Variants in TYK2 observed in about 807,000 individuals in gnomAD.
The protein encoded by TYK2 is non-receptor tyrosine-protein kinase TYK2.
A neutral mutation model predicts 130.9 loss-of-function variants in TYK2; 65 were observed. The observed-to-expected ratio is 0.50, with a 90% CI of 0.41 to 0.61. TYK2 has a LOEUF of 0.61. TYK2 is among the 20% of genes least tolerant of loss of function. The pLI is 0.00. For synonymous variants in TYK2, 647 were observed against 658.9 expected, an observed-to-expected ratio of 0.98 and a Z score of 0.28; for missense variants, 1,378 against 1,610.7, an observed-to-expected ratio of 0.86 and a Z score of 2.47.
chr19:10,354,081 C>T lies in TYK2; in HGVS notation c.2869G>A (p.Glu957Lys), dbSNP rs752000972. 1 of 1,614,074 alleles carries T rather than the reference C, an allele frequency of 6.2e-7. No homozygotes were observed. Among genetic ancestry groups the T allele is most frequent in the East Asian group, 2.2e-5 (1 of 44,886 alleles). Residue 957 changes from glutamate (E) to lysine (K), a missense_variant, in exon 20 of 25, where the codon GAG (glutamate) becomes AAG (lysine). Physicochemically the swap from Glu to Lys is moderately conservative, Grantham distance 56 (BLOSUM62 1). Coordinates refer to ENST00000525621, the MANE Select transcript of TYK2 (RefSeq NM_003331.5). ...CAGCCCTTGTACTTGATGATGTGCT[C>T]GTGGTAGAGCGTGCGCAGAATGTCA... Reference protein sequence around the residue: ...EIDILRTLYHEHIIKYKGCCE... With the variant: ...EIDILRTLYHKHIIKYKGCCE...
intron 22 of TYK2, 114 bp downstream of exon 22, chr19:10,352,812 C>A: frequency 1.5e-6 from 2 of 1,374,088 alleles, no homozygotes; most frequent in Non-Finnish European, 2.0e-6. Flanking sequence ...ACCGCTAGGC[C>A]CCGCCGCGCT....
At chr19:10,365,938 G>T (rs1350812086) in intron 6 of TYK2, 40 bp from the exon 7 acceptor site, 1 of 1,561,042 alleles carries the variant, frequency 6.4e-7, no homozygotes, top group Non-Finnish European at 8.7e-7. Context: ...AGGGACCTGG[G>T]TTGCAGGCCC....
At chr19:10,354,385 G>C (rs543894310) in intron 19 of TYK2, 127 bp downstream of exon 19, 1 of 1,324,004 alleles carries the variant, frequency 7.6e-7, no homozygotes, top group Non-Finnish European at 1.1e-6. Flanking sequence ...TTGGCACCTA[G>C]GCCTCCCTCA....
Position 10,353,183 on chromosome 19 carries a change from G to C in TYK2, c.3028-85C>G. The C allele has an allele frequency of 7.9e-7, 1 of 1,271,682 alleles. No homozygotes were observed. 78.8% of individuals were successfully genotyped at this position (1,271,682 alleles called of 1,614,324 possible). On this transcript the variant is annotated intron_variant, in intron 21 of 24. Transcript: ENST00000525621. The surrounding 1 kb of genome is among the most constrained non-coding windows in gnomAD (Gnocchi z 6.9). The stretch of plus-strand genomic sequence containing the variant: ...CAGGACCTGAGCAGCCAGGAGGGCT[G>C]GGGGACAGTCAGGTCAGGCCGGTGG...
rs769396613 is a variant in TYK2, at chr19:10,365,812, C to T, written c.716G>A (p.Arg239His). ...LTRLRLRNVFRRFLRDFQPGR... is the reference protein window; with the variant it reads ...LTRLRLRNVFHRFLRDFQPGR... ...CGGCTGGAAGTCCCGCAGGAACCTG[C>T]GGAAGACGTTCCGAAGGCGCAGCCG... The change falls in exon 7 of 25, where the codon CGC becomes CAC. Residue 239 changes from arginine (R) to histidine (H), a missense_variant. Arg to His is a conservative substitution (Grantham distance 29). Transcript: ENST00000525621. 1.7e-5 allele frequency: 27 copies of T among 1,612,208 alleles called. No individual in the cohort carries two copies. Among genetic ancestry groups the T allele is most frequent in the South Asian group, 1.4e-4 (13 of 91,026 alleles).
rs768580902 is a variant in TYK2 at position 10,351,122 on chromosome 19, G to C, written c.3359C>G (p.Thr1120Arg). The C allele has an allele frequency of 6.2e-7, 1 of 1,614,100 alleles. No individual in the cohort carries two copies. The highest frequency in any genetic ancestry group is 8.5e-7 in the Non-Finnish European group (1 of 1,180,038). Residue 1120 changes from threonine (T) to arginine (R), a missense_variant, in exon 24 of 25, where the codon ACA (threonine) becomes AGA (arginine). Thr to Arg is a moderately conservative substitution (Grantham distance 71). Transcript: ENST00000525621. Reference protein sequence around the residue: ...ELIGIAQGQMTVLRLTELLER... With the variant: ...ELIGIAQGQMRVLRLTELLER... The stretch of plus-strand genomic sequence containing the variant: ...CAGCAACTCAGTGAGTCTCAGAACT[G>C]TCATCTGACCCTGAGCAATGCCTAT...
chr19:10,351,410 C>T, intron 23 of TYK2: 1 of 415,780 alleles, frequency 2.4e-6, no homozygotes, highest in Non-Finnish European at 4.6e-6. Flanking sequence ...TCGTCTGAAC[C>T]TGGGAGGCGG....
intron 3 of TYK2, among the ~76,000 whole-genome samples, chr19:10,372,477 TATATATA>T (rs1286184367): frequency 5.4e-5 from 4 of 74,234 alleles, no homozygotes; most frequent in African/African-American, 2.6e-4. Flanking sequence ...TATATATATA[TATATATA>T]TTTTTTTTTT....
intron 3 of TYK2, chr19:10,370,002 C>A: frequency 3.1e-6 from 1 of 318,696 alleles, no homozygotes; most frequent in Non-Finnish European, 6.1e-6. Context: ...CGAGATTGCG[C>A]CACTGCACTC....
chr19:10,351,533 A>C (rs1006965135), intron 23 of TYK2: 1 of 323,672 alleles, frequency 3.1e-6, no homozygotes, highest in Non-Finnish European at 6.0e-6. Context: ...AATCGACTGC[A>C]TGGGTTCCAA....
rs1286702639 is a variant in TYK2, at chr19:10,353,466, C to T, written c.3027+62G>A. The stretch of plus-strand genomic sequence containing the variant: ...TGAGAGCAGACTGCACCGGATCGCT[C>T]AGGCCAGCCCAAGCTGAAGAGGAAG... On this transcript the variant is annotated intron_variant, in intron 21 of 24. Coordinates refer to ENST00000525621, the MANE Select transcript of TYK2 (RefSeq NM_003331.5). This position sits in a 1 kb window ranked among gnomAD's most constrained non-coding sequence, Gnocchi z 6.9. 1 of 1,256,052 alleles carries T rather than the reference C, an allele frequency of 8.0e-7. No individual in the cohort carries two copies. The highest frequency in any genetic ancestry group is 1.5e-5 in the African/African-American group (1 of 66,312). 77.8% of individuals were successfully genotyped at this position (1,256,052 alleles called of 1,614,324 possible). A position where few individuals can be genotyped will look rare whatever the true frequency, so the allele number is the denominator to read the frequency against.
chr19:10,355,955 C>T (rs758322119), intron 18 of TYK2, among the ~76,000 whole-genome samples: 12 of 150,878 alleles, frequency 8.0e-5, no homozygotes, highest in Non-Finnish European at 1.6e-4. Flanking sequence ...AGTGAGACTC[C>T]GTCTCAAAAA....
At chr19:10,378,696 T>C (rs2042257285) in intron 2 of TYK2, among the ~76,000 whole-genome samples, 1 of 152,194 alleles carries the variant, frequency 6.6e-6, no homozygotes, top group South Asian at 2.1e-4. Flanking sequence ...AAAAATCTGC[T>C]CTGGCCAGGT....
intron 3 of TYK2, among the ~76,000 whole-genome samples, chr19:10,369,144 T>A (rs898514121): frequency 3.3e-5 from 5 of 152,032 alleles, no homozygotes; most frequent in Non-Finnish European, 5.9e-5. Context: ...TTTGGGGGGA[T>A]TGCTTATTCC....
At chr19:10,358,403 C>G (rs977216929) in intron 15 of TYK2, among the ~76,000 whole-genome samples, 1 of 150,186 alleles carries the variant, frequency 6.7e-6, no homozygotes, top group African/African-American at 2.5e-5. Context: ...TGGGCTCAAG[C>G]CTTCCAAGTA....
rs1025226902 is a variant in TYK2, at chr19:10,362,797, C to G, written c.1368-140G>C. ...TCAGACACAGCCACTCTTGTGGGGA[C>G]ACTAACTCTGGACACACAGCCACTT... is the stretch of plus-strand genomic sequence containing the variant. On this transcript the variant is annotated intron_variant, in intron 9 of 24. Transcript: ENST00000525621. The G allele has an allele frequency of 4.1e-6, 3 of 725,486 alleles. No individual in the cohort carries two copies. The African/African-American group carries it at 5.2e-5, about 13-fold the overall frequency. The allele number at this position is 725,486 out of a possible 1,614,324, so 44.9% of individuals were successfully genotyped here.
intron 3 of TYK2, among the ~76,000 whole-genome samples, chr19:10,374,584 C>CAAAAAA (rs1278364077): frequency 2.0e-5 from 1 of 50,128 alleles, no homozygotes; most frequent in Non-Finnish European, 3.8e-5. Flanking sequence ...GACTCCGTCT[C>CAAAAAA]AAAAAAAAAA....
Position 10,366,393 on chromosome 19 carries a change from C to T in TYK2, c.629+24G>A, listed in dbSNP as rs145927198. On this transcript the variant is annotated intron_variant, in intron 6 of 24. Coordinates refer to ENST00000525621, the MANE Select transcript of TYK2 (RefSeq NM_003331.5). Reference sequence around the variant, plus strand: ...AGGACATTTCCCCCTGCCTACACAGCGTCCCCACCCCATTCCCAGACACCT... The same window carrying T: ...AGGACATTTCCCCCTGCCTACACAGTGTCCCCACCCCATTCCCAGACACCT... 2.4e-4 allele frequency: 393 copies of T among 1,606,750 alleles called. 1 individual carries two copies. The East Asian group carries it at 6.9e-3, about 28-fold the overall frequency.
rs766815603 is a variant in TYK2 at position 10,368,345 on chromosome 19, G to A, written c.267C>T (p.His89=). 8 of 1,614,072 alleles carry A rather than the reference G, an allele frequency of 5.0e-6. No homozygotes were observed. The highest frequency in any genetic ancestry group is 6.8e-6 in the Non-Finnish European group (8 of 1,180,050). The change falls in exon 4 of 25, where the codon CAC becomes CAT. Residue 89 remains histidine (H), a synonymous_variant. Transcript: ENST00000525621. ...AQAQVWLPPN[H]ILEIPRDASL... ...TTGCATCTCTGGGGATCTCTAGGAT[G>A]TGGTTTGGGGGCAACCAGACTTGGG...
Sources: gnomAD v4.1 joint callset for allele counts (sites outside exome capture counted in the v4.1 genomes callset) on GRCh38, gnomAD v4.1.1 for gene constraint, Gnocchi (gnomAD v3.1) non-coding constraint, MANE v1.5 for transcripts, NCBI Gene and HGNC (gene_info 2026-07-23, HGNC 2026-07-21) for gene names.